SBF1: variants seen among roughly 807,000 people sequenced by gnomAD.
SBF1 encodes SET binding factor 1, also known as myotubularin-related protein 5.
A neutral mutation model predicts 215.8 loss-of-function variants in SBF1; 65 were observed. The ratio of observed to expected loss-of-function variants is 0.30; its 90% CI spans 0.25 to 0.37. The LOEUF (loss-of-function observed/expected upper bound fraction) is 0.37, where lower values mean the gene tolerates loss of function less well. Ranked by LOEUF, SBF1 falls within the 10% of genes least tolerant of loss-of-function variation. The pLI is 1.00. For missense variants in SBF1, 2,634 were observed against 2,667.8 expected, an observed-to-expected ratio of 0.99 and a Z score of 0.28; for synonymous variants, 1,410 against 1,122.8, an observed-to-expected ratio of 1.26 and a Z score of -5.11.
intron 1 of SBF1, among the ~76,000 whole-genome samples, chr22:50,469,605 C>G (rs1449100662): frequency 6.6e-6 from 1 of 152,170 alleles, no homozygotes; most frequent in African/African-American, 2.4e-5. Flanking sequence ...TGCCTGCCTT[C>G]TCCTCCACAC....
Position 50,460,537 on chromosome 22 carries a change from A to G in SBF1, c.3143T>C (p.Leu1048Pro). ...PRVTKDKGPS[L>P]RTLSRNLVKN... ...TGCCTGGGACCCAGATCCATACCTG[A>G]GGGAAGGACCCTTGTCCTTGGTGAC... The change falls in exon 24 of 41, where the codon CTC becomes CCC. Residue 1048 changes from leucine to proline, a missense_variant. Coordinates refer to ENST00000380817, the MANE Select transcript of SBF1 (RefSeq NM_002972.4). 1 of 1,614,000 alleles carries G rather than the reference A, an allele frequency of 6.2e-7. No homozygotes were observed. Among genetic ancestry groups the G allele is most frequent in the Non-Finnish European group, 8.5e-7 (1 of 1,179,964 alleles).
intron 36 of SBF1, among the ~76,000 whole-genome samples, chr22:50,453,964 A>G (rs1603430976): frequency 6.6e-6 from 1 of 151,962 alleles, no homozygotes; most frequent in East Asian, 1.9e-4. Context: ...CAGGCCTTAC[A>G]CACCAACCCA....
rs780013691 is a variant in SBF1 at position 50,464,602 on chromosome 22, T to C, written c.1568A>G (p.Lys523Arg). 11 of 1,611,792 alleles carry C rather than the reference T, an allele frequency of 6.8e-6. No homozygotes were observed. Among genetic ancestry groups the C allele is most frequent in the African/African-American group, 1.3e-5 (1 of 74,920 alleles). The part of the protein sequence containing the change: ...VQWIVDQAAA[K>R]MQGAPPAVKA... ...CACAGCTGGGGGTGCACCCTGCATC[T>C]TGGCTGCAGCCTGGTCCACGATCCA... is the stretch of plus-strand genomic sequence containing the variant. The change falls in exon 14 of 41, where the codon AAG becomes AGG. Residue 523 changes from lysine (K) to arginine (R), a missense_variant. Lys to Arg is a conservative substitution (Grantham distance 26). Transcript: ENST00000380817.
rs750551763 is a variant in SBF1 at position 50,455,359 on chromosome 22, C to T, written c.4419G>A (p.Glu1473=). The part of the protein sequence containing the change: ...LLSDPFYRTL[E]GFRLLVEKEW... ...CCTTCTCCACCAGCAGGCGAAAGCC[C>T]TCCAGCGTGCGGTAGAAGGGGTCTG... The change falls in exon 33 of 41, where the codon GAG becomes GAA. Residue 1473 remains glutamate, a synonymous_variant. Transcript: ENST00000380817. 3 of 1,613,494 alleles carry T rather than the reference C, an allele frequency of 1.9e-6. No homozygotes were observed. The highest frequency in any genetic ancestry group is 2.2e-5 in the South Asian group (2 of 91,080).
chr22:50,471,152 C>T lies in SBF1; in HGVS notation c.56-2691G>A, dbSNP rs747741503. On this transcript the variant is annotated intron_variant, in intron 1 of 40. Coordinates refer to ENST00000380817, the MANE Select transcript of SBF1 (RefSeq NM_002972.4). ...CCCTTGGCAACAGGACGAATCCAAA[C>T]GGTGTGCTGGGTGGCACTGGGCACC... 3.3e-5 allele frequency among the ~76,000 whole-genome samples: 5 copies of T among 152,312 alleles called. No homozygotes were observed. The South Asian group carries it at 8.3e-4, about 25-fold the overall frequency.
chr22:50,456,651 G>GCTGC lies in SBF1; in HGVS notation c.3926_3927insGCAG (p.Ser1310GlnfsTer70). On this transcript the variant is annotated frameshift_variant, in exon 30 of 41. Coordinates refer to ENST00000380817, the MANE Select transcript of SBF1 (RefSeq NM_002972.4). LOFTEE classifies it high-confidence loss of function. The stretch of plus-strand genomic sequence containing the variant: ...TGCCAAGGCCACTGCTGCGTCCACT[G>GCTGC]GTCCGGACACTGCCCCACTTACCTG... 1 of 1,492,100 alleles carries GCTGC rather than the reference G, an allele frequency of 6.7e-7. No homozygotes were observed. Among genetic ancestry groups the GCTGC allele is most frequent in the African/African-American group, 1.4e-5 (1 of 71,302 alleles). The allele number at this position is 1,492,100 out of a possible 1,614,324, so 92.4% of individuals were successfully genotyped here. A position where few individuals can be genotyped will look rare whatever the true frequency, so the allele number is the denominator to read the frequency against.
chr22:50,448,766 A>C, intron 36 of SBF1, 116 bp from the exon 37 acceptor site: 1 of 737,712 alleles, frequency 1.4e-6, no homozygotes, highest in South Asian at 1.7e-5. Context: ...CGCGTGTGTG[A>C]CTGGCCACAG....
In SBF1 at chr22:50,446,356, T is replaced by TCCTCC. The variant is rs2066809747; in HGVS notation, c.*785_*786insGGAGG. ...CCTGCATTCCCCTGGGAGCCCACTG[T>TCCTCC]CCCCCCCCCCCCCCCGCCTCCGGCC... is the stretch of plus-strand genomic sequence containing the variant. On this transcript the variant is annotated 3_prime_UTR_variant, in exon 41 of 41. Coordinates refer to ENST00000380817, the MANE Select transcript of SBF1 (RefSeq NM_002972.4). The TCCTCC allele has an allele frequency of 8.6e-5, 3 of 35,044 alleles. No individual in the cohort carries two copies. Among genetic ancestry groups the TCCTCC allele is most frequent in the African/African-American group, 2.6e-4 (2 of 7,642 alleles). The allele number at this position is 35,044 out of a possible 1,614,324, so 2.2% of individuals were successfully genotyped here.
intron 36 of SBF1, 138 bp downstream of exon 36, chr22:50,454,374 A>G: frequency 1.4e-6 from 1 of 726,078 alleles, no homozygotes; most frequent in Non-Finnish European, 2.3e-6. Flanking sequence ...CATGGTGGGG[A>G]GACGGCAGGG....
chr22:50,464,485 C>T lies in SBF1; in HGVS notation c.1637-44G>A, dbSNP rs1477473172. 2.5e-6 allele frequency: 4 copies of T among 1,602,880 alleles called. No individual in the cohort carries two copies. The African/African-American group carries it at 5.3e-5, about 21-fold the overall frequency. On this transcript the variant is annotated intron_variant, in intron 14 of 40. Transcript: ENST00000380817. ...CACACTCGGACCCCTGACCCCACGC[C>T]CATCCTGGGCCACGCTCGGGGCCTG...
rs2066866557 is a variant in SBF1 at position 50,447,256 on chromosome 22, T to C, written c.5584-16A>G. On this transcript the variant is annotated splice_polypyrimidine_tract_variant and intron_variant, in intron 40 of 40. Coordinates refer to ENST00000380817, the MANE Select transcript of SBF1 (RefSeq NM_002972.4). Reference sequence around the variant, plus strand: ...TTGTCTTCACCTGGGGAAGGGCGGGTTACTGACTCCGCAGCCCCCACACCG... The same window carrying C: ...TTGTCTTCACCTGGGGAAGGGCGGGCTACTGACTCCGCAGCCCCCACACCG... 1.2e-6 allele frequency: 2 copies of C among 1,613,666 alleles called. No homozygotes were observed. The highest frequency in any genetic ancestry group is 4.5e-5 in the East Asian group (2 of 44,876).
At position 50,446,998 on chromosome 22, in the gene SBF1, A is replaced by ACGGGGG; in HGVS notation, c.*138_*143dup. ...GCCGGCCGGGCGGGGCGGGGCGGGG[A>ACGGGGG]CGGGGGCTGTACACACAAGTGCTGG... is the stretch of plus-strand genomic sequence containing the variant. On this transcript the variant is annotated 3_prime_UTR_variant, in exon 41 of 41. Transcript: ENST00000380817. 1.3e-6 allele frequency: 1 copy of ACGGGGG among 764,674 alleles called. No homozygotes were observed. Among genetic ancestry groups the ACGGGGG allele is most frequent in the African/African-American group, 1.7e-5 (1 of 57,564 alleles). 47.4% of individuals were successfully genotyped at this position (764,674 alleles called of 1,614,324 possible).
At chr22:50,461,922 G>A (rs759406857) in intron 20 of SBF1, 25 bp downstream of exon 20, 3 of 1,613,898 alleles carry the variant, frequency 1.9e-6, no homozygotes, top group Admixed American at 1.7e-5. Context: ...ATCCAAGGGG[G>A]AATCACCAGC....
chr22:50,466,268 C>T lies in SBF1; in HGVS notation c.789-10G>A, dbSNP rs2067748491. 6.2e-7 allele frequency: 1 copy of T among 1,613,386 alleles called. No homozygotes were observed. The highest frequency in any genetic ancestry group is 1.7e-4 in the Middle Eastern group (1 of 6,060). Reference sequence around the variant, plus strand: ...GGGCACATAGGTGAAGCTGTGCAGGCCCCAGAGGATGCAGTGAGCCAGGGG... The same window carrying T: ...GGGCACATAGGTGAAGCTGTGCAGGTCCCAGAGGATGCAGTGAGCCAGGGG... On this transcript the variant is annotated splice_polypyrimidine_tract_variant and intron_variant, in intron 7 of 40. Transcript: ENST00000380817.
At chr22:50,457,680 G>A (rs969221583) in intron 28 of SBF1, among the ~76,000 whole-genome samples, 2 of 152,260 alleles carry the variant, frequency 1.3e-5, no homozygotes, top group African/African-American at 2.4e-5. Context: ...CTGAGTCCCA[G>A]GCTGAGGTTT....
intron 33 of SBF1, 39 bp downstream of exon 33, chr22:50,455,185 G>A (rs776198571): frequency 1.9e-6 from 3 of 1,613,676 alleles, no homozygotes; most frequent in Non-Finnish European, 2.5e-6. Flanking sequence ...AGCGGTCAGG[G>A]TGCACAGTCC....
In SBF1 at chr22:50,462,564, C is replaced by T. The variant is rs747193603; in HGVS notation, c.2122G>A (p.Ala708Thr). ...CCCAGGGAGTCCCTGCGCACCTGGG[C>T]GGGGGCCAGGTCCTCCGTGGGCTCC... ...YLEPTEDLAP[A>T]QEVGEAPSQE... Residue 708 changes from alanine (A) to threonine (T), a missense_variant, in exon 18 of 41, where the codon GCC (alanine) becomes ACC (threonine). By Grantham distance (58) the Ala-to-Thr change is moderately conservative. Coordinates refer to ENST00000380817, the MANE Select transcript of SBF1 (RefSeq NM_002972.4). 9.9e-6 allele frequency: 16 copies of T among 1,609,440 alleles called. No individual in the cohort carries two copies. The highest frequency in any genetic ancestry group is 6.7e-5 in the African/African-American group (5 of 74,836).
Position 50,466,469 on chromosome 22 carries a change from C to A in SBF1, c.669G>T (p.Val223=). 6.5e-7 allele frequency: 1 copy of A among 1,547,970 alleles called. No homozygotes were observed. The highest frequency in any genetic ancestry group is 8.7e-7 in the Non-Finnish European group (1 of 1,144,252). ...TGAGGGCGGCACAGAACAAAGACAG[C>A]ACGTTGGTGATGCCTAAAGGAAGAA... ...LLFRQLGITN[V]LSLFCAALTE... is the part of the protein sequence containing the mutation. Residue 223 remains valine, a synonymous_variant, in exon 7 of 41, where the codon GTG becomes GTT. Transcript: ENST00000380817.
rs1429516909 is a variant in SBF1, at chr22:50,466,592, C to G, written c.655+13G>C. The G allele has an allele frequency of 1.3e-6, 2 of 1,544,722 alleles. No homozygotes were observed. Among genetic ancestry groups the G allele is most frequent in the African/African-American group, 2.7e-5 (2 of 72,940 alleles). On this transcript the variant is annotated intron_variant, in intron 6 of 40. Transcript: ENST00000380817. The stretch of plus-strand genomic sequence containing the variant: ...GAGGGGAAGCCATGCGGGGGTGGGA[C>G]AGACAGGCTCACCTAGCTGGCGGAA...
Sources: allele counts gnomAD v4.1 joint callset (sites outside exome capture counted in the v4.1 genomes callset), GRCh38; gene constraint gnomAD v4.1.1; transcripts MANE v1.5; gene names NCBI Gene and HGNC (gene_info 2026-07-23, HGNC 2026-07-21).